RABGAP1L: variants seen among roughly 807,000 people sequenced by gnomAD.
The protein encoded by RABGAP1L is RAB GTPase activating protein 1 like, also known as rab GTPase-activating protein 1-like.
A neutral mutation model predicts 137.7 loss-of-function variants in RABGAP1L; 63 were observed. The observed-to-expected ratio is 0.46, with a 90% confidence interval of 0.37 to 0.56. RABGAP1L has a LOEUF of 0.56. RABGAP1L is among the 20% of genes least tolerant of loss of function. The pLI is 0.00. For synonymous variants in RABGAP1L, 431 were observed against 433.7 expected (o/e 0.99, Z 0.08); for missense variants, 1,095 against 1,244.0 (o/e 0.88, Z 1.80).
chr1:174,502,883 CCTAA>C (rs903779293), intron 13 of RABGAP1L, among the ~76,000 whole-genome samples: 2 of 151,992 alleles, frequency 1.3e-5, no homozygotes, highest in African/African-American at 4.8e-5. Context: ...CATTATATGG[CCTAA>C]CTGTGAATAA....
chr1:174,866,405 T>G (rs1218079002), intron 19 of RABGAP1L, among the ~76,000 whole-genome samples: 1 of 152,200 alleles, frequency 6.6e-6, no homozygotes, highest in Non-Finnish European at 1.5e-5. Flanking sequence ...TTTTAGACCA[T>G]TAAGCAATTT....
At chr1:174,985,213 T>C (rs989758690) in intron 24 of RABGAP1L, among the ~76,000 whole-genome samples, 1 of 152,122 alleles carries the variant, frequency 6.6e-6, no homozygotes, top group Non-Finnish European at 1.5e-5. Context: ...GGAAACTTGG[T>C]GAAACCCTGT....
intron 4 of RABGAP1L, among the ~76,000 whole-genome samples, chr1:174,232,011 A>T (rs1023923035): frequency 1.3e-5 from 2 of 152,202 alleles, no homozygotes; most frequent in African/African-American, 4.8e-5. Context: ...AAACGGTAAA[A>T]ATACTTGTAA....
intron 11 of RABGAP1L, chr1:174,365,287 C>G (rs1684516833): frequency 6.6e-6 from 1 of 152,172 alleles, no homozygotes; most frequent in South Asian, 2.1e-4. Flanking sequence ...CATTCTCTTG[C>G]TGCCGTGTTT....
chr1:174,905,431 A>G (rs1658885605), intron 19 of RABGAP1L, among the ~76,000 whole-genome samples: 1 of 152,216 alleles, frequency 6.6e-6, no homozygotes, highest in Admixed American at 6.5e-5. Flanking sequence ...ATAACAAAAA[A>G]TTAAATGGAA....
intron 18 of RABGAP1L, among the ~76,000 whole-genome samples, chr1:174,753,242 G>A (rs1390249533): frequency 1.3e-5 from 2 of 152,182 alleles, no homozygotes; most frequent in Non-Finnish European, 2.9e-5. Context: ...GCCTAGTAAA[G>A]TTAGCTGTCA....
rs564506737 is a variant in RABGAP1L, at chr1:174,383,511, G to T, written c.1560-10484G>T. On this transcript the variant is annotated intron_variant, in intron 12 of 25. Transcript: ENST00000681986. ...CTCGTGGTGCGCCGTTTTTTAAGCC[G>T]GTCTGGAAAGGGCAATATTCGGGTG... Among the ~76,000 whole-genome samples the T allele has an allele frequency of 2.2e-4, 34 of 152,202 alleles. No homozygotes were observed. The East Asian group carries it at 5.4e-3, about 24-fold the overall frequency.
chr1:174,210,447 C>T (rs1668803323), intron 1 of RABGAP1L, among the ~76,000 whole-genome samples: 1 of 152,110 alleles, frequency 6.6e-6, no homozygotes, highest in Non-Finnish European at 1.5e-5. Context: ...TGTTGACACA[C>T]TGAAGAATGT....
intron 19 of RABGAP1L, among the ~76,000 whole-genome samples, chr1:174,956,820 G>T (rs1358260486): frequency 6.6e-6 from 1 of 151,652 alleles, no homozygotes; most frequent in Non-Finnish European, 1.5e-5. Flanking sequence ...GCTAATTTTT[G>T]TAATTTTAGT....
At chr1:174,987,648 T>C (rs548625291) in intron 24 of RABGAP1L, among the ~76,000 whole-genome samples, 1 of 152,284 alleles carries the variant, frequency 6.6e-6, no homozygotes, top group South Asian at 2.1e-4. Flanking sequence ...ATTGAGCTTG[T>C]AGCAGTAGGG....
chr1:174,449,562 CTA>C (rs1019197779), intron 13 of RABGAP1L, among the ~76,000 whole-genome samples: 1 of 152,172 alleles, frequency 6.6e-6, no homozygotes, highest in African/African-American at 2.4e-5. Context: ...CTCATTTTGT[CTA>C]TGTTTCTCTC....
intron 13 of RABGAP1L, among the ~76,000 whole-genome samples, chr1:174,503,865 A>C (rs947312586): frequency 6.6e-6 from 1 of 152,112 alleles, no homozygotes; most frequent in African/African-American, 2.4e-5. Context: ...TGAAGAGGAC[A>C]CAAACAAATG....
Position 174,580,426 on chromosome 1 carries a change from A to G in RABGAP1L, c.1711-56949A>G, listed in dbSNP as rs549065095. ...ACTGGATTAAGAAAATGTGGCACATATACACCATGGAATACTATGCAGCCA... is the reference window on the plus strand; with the variant it reads ...ACTGGATTAAGAAAATGTGGCACATGTACACCATGGAATACTATGCAGCCA... On this transcript the variant is annotated intron_variant, in intron 13 of 25. Transcript: ENST00000681986. Among the ~76,000 whole-genome samples, 12 of 152,358 alleles carry G rather than the reference A, an allele frequency of 7.9e-5. No individual in the cohort carries two copies. The South Asian group carries it at 2.3e-3, about 29-fold the overall frequency.
At position 174,969,446 on chromosome 1, in the gene RABGAP1L, A is replaced by C. The variant is rs1669943156; in HGVS notation, c.2544+59A>C. 3.1e-6 allele frequency: 4 copies of C among 1,277,876 alleles called. No individual in the cohort carries two copies. In the East Asian group the frequency reaches 7.6e-5, roughly 24 times the overall value. The allele number at this position is 1,277,876 out of a possible 1,614,324, so 79.2% of individuals were successfully genotyped here. On this transcript the variant is annotated intron_variant, in intron 21 of 25. Transcript: ENST00000681986. The stretch of plus-strand genomic sequence containing the variant: ...TCAGGGCAAAGACCGATTTGCCCTC[A>C]TCACCGCCCCCACAAACTTGCTTTG...
chr1:174,977,212 G>A (rs1670721598), intron 22 of RABGAP1L, among the ~76,000 whole-genome samples: 1 of 152,206 alleles, frequency 6.6e-6, no homozygotes, highest in African/African-American at 2.4e-5. Context: ...TATAAAAAGT[G>A]TTCCATGGTT....
In RABGAP1L at chr1:174,354,702, T is replaced by G. The variant is rs185088403; in HGVS notation, c.1466-16277T>G. ...TGTCAATTTTGGCTTTTGTTGCCAT[T>G]GCTTTTGGTGTTTTAGACATGAAGT... On this transcript the variant is annotated intron_variant, in intron 11 of 25. Transcript: ENST00000681986. 2.5e-3 allele frequency among the ~76,000 whole-genome samples: 379 copies of G among 152,322 alleles called. 2 individuals are homozygous for G. Among genetic ancestry groups the G allele is most frequent in the Non-Finnish European group, 3.8e-3 (261 of 68,018 alleles).
intron 13 of RABGAP1L, among the ~76,000 whole-genome samples, chr1:174,551,173 C>G (rs866983148): frequency 1.8e-4 from 27 of 149,970 alleles, no homozygotes; most frequent in Middle Eastern, 3.4e-3. Context: ...CGCACCACTG[C>G]ACTCCAGCCT....
chr1:174,408,852 G>T (rs189420343), intron 13 of RABGAP1L, among the ~76,000 whole-genome samples: 29 of 152,136 alleles, frequency 1.9e-4, no homozygotes, highest in Middle Eastern at 3.4e-3. Context: ...TTGGCTGCTT[G>T]TTTGTCTTCT....
In RABGAP1L at chr1:174,990,282, G is replaced by T; in HGVS notation, c.*281G>T. The stretch of plus-strand genomic sequence containing the variant: ...TTGCCTGATGTTTAGTTGGAAATAA[G>T]TAATTCAGAACTAAATGCTTTTTTA... On this transcript the variant is annotated 3_prime_UTR_variant, in exon 26 of 26. Transcript: ENST00000681986. The T allele has an allele frequency of 3.5e-6, 1 of 283,448 alleles. No individual in the cohort carries two copies. Among genetic ancestry groups the T allele is most frequent in the Non-Finnish European group, 6.5e-6 (1 of 154,872 alleles). 17.6% of individuals were successfully genotyped at this position (283,448 alleles called of 1,614,324 possible).
Sources: allele counts gnomAD v4.1 joint callset (sites outside exome capture counted in the v4.1 genomes callset), GRCh38; gene constraint gnomAD v4.1.1; transcripts MANE v1.5; gene names NCBI Gene and HGNC (gene_info 2026-07-23, HGNC 2026-07-21).